Variants in SEMA3A observed in about 807,000 individuals in gnomAD.
The protein encoded by SEMA3A is semaphorin 3A, also known as semaphorin-3A.
Under a neutral mutation model 97.9 loss-of-function variants are expected in SEMA3A, and 29 were observed. The observed-to-expected ratio is 0.30, with a 90% CI of 0.22 to 0.40. The LOEUF (loss-of-function observed/expected upper bound fraction) is 0.40, where lower values mean the gene tolerates loss of function less well. Ranked by LOEUF, SEMA3A falls within the 10% of genes least tolerant of loss-of-function variation. The pLI, the probability that SEMA3A is intolerant of heterozygous loss-of-function variation, is 1.00. For synonymous variants in SEMA3A, 321 were observed against 323.7 expected (o/e 0.99, Z 0.09); for missense variants, 763 against 951.3 (o/e 0.80, Z 2.60).
At chr7:84,042,271 C>T (rs1792160624) in intron 6 of SEMA3A, among the ~76,000 whole-genome samples, 1 of 151,972 alleles carries the variant, frequency 6.6e-6, no homozygotes, top group African/African-American at 2.4e-5. Flanking sequence ...ATTTCAATTA[C>T]AGAAAAAGAG....
intron 2 of SEMA3A, among the ~76,000 whole-genome samples, chr7:84,364,395 A>C (rs937263833): frequency 1.3e-5 from 2 of 151,780 alleles, no homozygotes; most frequent in African/African-American, 4.8e-5. Flanking sequence ...TGTGTTATTA[A>C]GTATTTACTT....
chr7:84,443,880 CTTTTTTTTT>C (rs71078831), intron 1 of SEMA3A, among the ~76,000 whole-genome samples: 5 of 92,396 alleles, frequency 5.4e-5, no homozygotes, highest in Admixed American at 1.4e-4. Context: ...GTGCTTTGTC[CTTTTTTTTT>C]TTTTTTTTTT....
At chr7:84,488,153 T>C (rs894343864) in intron 1 of SEMA3A, among the ~76,000 whole-genome samples, 5 of 152,022 alleles carry the variant, frequency 3.3e-5, no homozygotes, top group African/African-American at 1.2e-4. Flanking sequence ...TTGTCATAAA[T>C]ATTTTGTTTT....
intron 1 of SEMA3A, among the ~76,000 whole-genome samples, chr7:84,180,249 T>C: frequency 6.6e-6 from 1 of 151,774 alleles, no homozygotes; most frequent in Admixed American, 6.6e-5. Flanking sequence ...CCCGGCCTGC[T>C]TAGCTGTTCT....
At chr7:84,167,242 G>A (rs1455494588) in intron 1 of SEMA3A, among the ~76,000 whole-genome samples, 1 of 152,072 alleles carries the variant, frequency 6.6e-6, no homozygotes, top group African/African-American at 2.4e-5. Flanking sequence ...ATATGTCTAG[G>A]TGGCAGTTGA....
intron 1 of SEMA3A, among the ~76,000 whole-genome samples, chr7:84,425,483 A>G (rs977126265): frequency 1.4e-5 from 2 of 142,010 alleles, no homozygotes; most frequent in African/African-American, 5.1e-5. Flanking sequence ...ATTTATATAA[A>G]AATATAATTA....
chr7:84,450,715 G>A (rs1011414150), intron 1 of SEMA3A, among the ~76,000 whole-genome samples: 1 of 152,108 alleles, frequency 6.6e-6, no homozygotes, highest in Admixed American at 6.6e-5. Context: ...CATCCTAACA[G>A]GTGTAAAATA....
chr7:84,299,303 TATCTCC>T (rs1800945300), intron 3 of SEMA3A, among the ~76,000 whole-genome samples: 2 of 68,280 alleles, frequency 2.9e-5, no homozygotes, highest in Non-Finnish European at 7.0e-5. Context: ...TCCATATATA[TATCTCC>T]ATATATATAT....
At chr7:84,385,615 A>G (rs773546860) in intron 1 of SEMA3A, among the ~76,000 whole-genome samples, 1 of 152,164 alleles carries the variant, frequency 6.6e-6, no homozygotes. Flanking sequence ...TTCTCTCAAT[A>G]TAACAGGGTT....
At chr7:84,088,316 T>C (rs1385112768) in intron 4 of SEMA3A, among the ~76,000 whole-genome samples, 5 of 152,004 alleles carry the variant, frequency 3.3e-5, no homozygotes, top group Admixed American at 6.6e-5. Context: ...TAGCTGGGCA[T>C]GGTGGCGGGT....
chr7:84,196,131 C>A (rs1345367621), upstream of SEMA3A, among the ~76,000 whole-genome samples: 2 of 151,616 alleles, frequency 1.3e-5, no homozygotes, highest in East Asian at 3.9e-4. Context: ...CCACTCCCCA[C>A]CCCCCACCTC....
At chr7:84,149,658 T>C (rs1208340090) in intron 1 of SEMA3A, among the ~76,000 whole-genome samples, 1 of 152,234 alleles carries the variant, frequency 6.6e-6, no homozygotes, top group Non-Finnish European at 1.5e-5. Context: ...CTTACTTCTC[T>C]ACTTCATCAC....
Position 83,973,844 on chromosome 7 carries a change from C to T in SEMA3A, c.1717+3288G>A, listed in dbSNP as rs565007683. Among the ~76,000 whole-genome samples the T allele has an allele frequency of 1.5e-4, 22 of 149,230 alleles. No homozygotes were observed. The South Asian group carries it at 1.9e-3, about 13-fold the overall frequency. On this transcript the variant is annotated intron_variant, in intron 15 of 16. Transcript: ENST00000265362. ...CTAGAAGATAGGATATAAAATATTT[C>T]AAAGATTCAGAAACCTAACATGATG...
intron 2 of SEMA3A, among the ~76,000 whole-genome samples, chr7:84,361,928 T>C (rs1802732355): frequency 6.6e-6 from 1 of 152,004 alleles, no homozygotes; most frequent in Admixed American, 6.6e-5. Flanking sequence ...ATTCTATTTC[T>C]ATGATAGTTT....
chr7:84,287,057 G>A (rs1800607990), intron 3 of SEMA3A, among the ~76,000 whole-genome samples: 1 of 151,938 alleles, frequency 6.6e-6, no homozygotes, highest in African/African-American at 2.4e-5. Context: ...TCATAGTCAG[G>A]CTATTTTTAT....
intron 2 of SEMA3A, among the ~76,000 whole-genome samples, chr7:84,339,959 T>C (rs921355835): frequency 6.6e-6 from 1 of 151,978 alleles, no homozygotes; most frequent in African/African-American, 2.4e-5. Context: ...AATCATCACA[T>C]AGAAGATTTG....
intron 1 of SEMA3A, among the ~76,000 whole-genome samples, chr7:84,180,226 A>T (rs967862252): frequency 1.8e-4 from 27 of 151,388 alleles, no homozygotes; most frequent in Non-Finnish European, 2.9e-4. Flanking sequence ...GATTACAGGC[A>T]TGAGCCACCG....
chr7:84,059,991 G>A (rs1377990352), intron 5 of SEMA3A, among the ~76,000 whole-genome samples: 1 of 152,078 alleles, frequency 6.6e-6, no homozygotes, highest in Non-Finnish European at 1.5e-5. Context: ...TATCAGCAAT[G>A]CTAAATGAAA....
chr7:84,324,022 C>T (rs1168386725), intron 2 of SEMA3A, among the ~76,000 whole-genome samples: 1 of 152,118 alleles, frequency 6.6e-6, no homozygotes, highest in African/African-American at 2.4e-5. Context: ...TTATGTATTA[C>T]CTTTCCTAGC....
Sources: gnomAD v4.1 joint callset for allele counts (sites outside exome capture counted in the v4.1 genomes callset) on GRCh38, gnomAD v4.1.1 for gene constraint, MANE v1.5 for transcripts, NCBI Gene and HGNC (gene_info 2026-07-23, HGNC 2026-07-21) for gene names.